Variants in FAT3 observed in about 807,000 individuals in gnomAD.
FAT3 encodes protocadherin Fat 3.
A neutral mutation model predicts 310.2 loss-of-function variants in FAT3; 95 were observed. The observed-to-expected ratio is 0.31, with a 90% CI of 0.26 to 0.36. The LOEUF (loss-of-function observed/expected upper bound fraction) is 0.36, where lower values mean the gene tolerates loss of function less well. FAT3 is among the 10% of genes least tolerant of loss of function. The pLI is 1.00. For synonymous variants in FAT3, 2,314 were observed against 2,192.9 expected (o/e 1.06, Z -1.54); for missense variants, 5,408 against 5,715.6 (o/e 0.95, Z 1.74).
intron 13 of FAT3, among the ~76,000 whole-genome samples, chr11:92,813,130 C>T (rs1276586478): frequency 6.6e-6 from 1 of 152,114 alleles, no homozygotes; most frequent in Non-Finnish European, 1.5e-5. Flanking sequence ...AACTGTGAGT[C>T]AATTAAACCT....
At chr11:92,246,584 C>G (rs1864919721) in intron 1 of FAT3, among the ~76,000 whole-genome samples, 1 of 152,002 alleles carries the variant, frequency 6.6e-6, no homozygotes, top group Admixed American at 6.6e-5. Context: ...AGGTGAGAGA[C>G]TTTCCAACTG....
intron 2 of FAT3, among the ~76,000 whole-genome samples, chr11:92,455,190 C>G (rs1951465729): frequency 6.6e-6 from 1 of 152,152 alleles, no homozygotes; most frequent in Admixed American, 6.5e-5. Context: ...TAACTTTCCT[C>G]AATTCTATGA....
intron 1 of FAT3, among the ~76,000 whole-genome samples, chr11:92,292,605 T>C (rs981861088): frequency 2.0e-5 from 3 of 152,044 alleles, no homozygotes; most frequent in Non-Finnish European, 1.5e-5. Context: ...TGTATAAAAA[T>C]TTGAGGTTAT....
rs1168622030 is a variant in FAT3 at position 92,801,083 on chromosome 11, C to T, written c.8070C>T (p.Ser2690=). Residue 2690 remains serine, a synonymous_variant, in exon 10 of 28, where the codon TCC becomes TCT. Coordinates refer to ENST00000525166, the MANE Select transcript of FAT3 (RefSeq NM_001367949.2). The part of the protein sequence containing the change: ...AVDGGIPVKH[S]LIPVYIHVLP... Reference sequence around the variant, plus strand: ...ATGGGGGCATCCCAGTAAAGCACTCCCTCATTCCTGTCTATATCCACGTCT... The same window carrying T: ...ATGGGGGCATCCCAGTAAAGCACTCTCTCATTCCTGTCTATATCCACGTCT... 1.2e-6 allele frequency: 2 copies of T among 1,613,760 alleles called. No homozygotes were observed. The highest frequency in any genetic ancestry group is 2.7e-5 in the African/African-American group (2 of 74,898).
chr11:92,729,835 A>G (rs900614620), intron 4 of FAT3, among the ~76,000 whole-genome samples: 22 of 152,198 alleles, frequency 1.4e-4, no homozygotes, highest in African/African-American at 5.1e-4. Flanking sequence ...TTTAATTTAA[A>G]AAAAACATTT....
At chr11:92,594,464 C>G (rs1336595304) in intron 3 of FAT3, among the ~76,000 whole-genome samples, 1 of 152,116 alleles carries the variant, frequency 6.6e-6, no homozygotes, top group East Asian at 1.9e-4. Context: ...AAGAGAAGAA[C>G]TTGATGTAGG....
intron 2 of FAT3, among the ~76,000 whole-genome samples, chr11:92,482,303 A>G (rs1341905003): frequency 6.6e-6 from 1 of 152,174 alleles, no homozygotes; most frequent in African/African-American, 2.4e-5. Flanking sequence ...CATGGATATT[A>G]TAGATTTAAT....
chr11:92,388,642 A>C (rs532369101), intron 2 of FAT3, among the ~76,000 whole-genome samples: 1 of 152,324 alleles, frequency 6.6e-6, no homozygotes, highest in South Asian at 2.1e-4. Flanking sequence ...GTATATAAGC[A>C]ACAGGGCCTG....
chr11:92,844,311 T>G lies in FAT3; in HGVS notation c.10944T>G (p.Thr3648=), dbSNP rs367780470. ...TGGTGCATGAGATGCTGCAGAACAC[T>G]GTCACCATCCGCTTTGAAAATGTGT... is the stretch of plus-strand genomic sequence containing the variant. The part of the protein sequence containing the change: ...EQLVHEMLQN[T]VTIRFENVSP... The change falls in exon 19 of 28, where the codon ACT becomes ACG. Residue 3648 remains threonine (T), a synonymous_variant. Transcript: ENST00000525166. 1.9e-6 allele frequency: 3 copies of G among 1,613,848 alleles called. No homozygotes were observed. Among genetic ancestry groups the G allele is most frequent in the Non-Finnish European group, 2.5e-6 (3 of 1,179,888 alleles).
rs1047012579 is a variant in FAT3 at position 92,883,292 on chromosome 11, G to A, written c.12836G>A (p.Gly4279Asp). 3.7e-6 allele frequency: 6 copies of A among 1,612,578 alleles called. No individual in the cohort carries two copies. In the African/African-American group the frequency reaches 6.7e-5, roughly 18 times the overall value. Reference sequence around the variant, plus strand: ...CCCCGCATCCTGACAGCCCGGCGGGGCGTGGTCGTGTGCAGTGTGGCCCCC... The same window carrying A: ...CCCCGCATCCTGACAGCCCGGCGGGACGTGGTCGTGTGCAGTGTGGCCCCC... ...ESPRILTARR[G>D]VVVCSVAPNL... is the part of the protein sequence containing the mutation. The change falls in exon 24 of 28, where the codon GGC becomes GAC. Residue 4279 changes from glycine to aspartate, a missense_variant. Transcript: ENST00000525166. The surrounding 1 kb of genome is among the most constrained non-coding windows in gnomAD (Gnocchi z 4.2).
At chr11:92,546,441 T>G (rs1954621520) in intron 3 of FAT3, among the ~76,000 whole-genome samples, 1 of 152,238 alleles carries the variant, frequency 6.6e-6, no homozygotes, top group Admixed American at 6.5e-5. Flanking sequence ...ATACTCTGTA[T>G]TTTAACATGT....
chr11:92,531,581 G>A (rs571252325), intron 3 of FAT3, among the ~76,000 whole-genome samples: 1 of 152,190 alleles, frequency 6.6e-6, no homozygotes, highest in South Asian at 2.1e-4. Flanking sequence ...TCATTCTGGG[G>A]GAATAATCGT....
rs374952944 is a variant in FAT3, at chr11:92,797,994, G to A, written c.4981G>A (p.Val1661Ile). ...TGCTACTGCAATTGTGCGCATTTCC[G>A]TCACCATGTCTGACAATTCTCACCC... is the stretch of plus-strand genomic sequence containing the variant. ...MSATAIVRISVTMSDNSHPKF... is the reference protein window; with the variant it reads ...MSATAIVRISITMSDNSHPKF... Residue 1661 changes from valine to isoleucine, a missense_variant, in exon 10 of 28, where the codon GTC becomes ATC. Val to Ile is a conservative substitution (Grantham distance 29). Transcript: ENST00000525166. 206 of 1,613,818 alleles carry A rather than the reference G, an allele frequency of 1.3e-4. No individual in the cohort carries two copies. Among genetic ancestry groups the A allele is most frequent in the African/African-American group, 3.2e-4 (24 of 75,018 alleles).
intron 3 of FAT3, among the ~76,000 whole-genome samples, chr11:92,606,983 C>T (rs1046730146): frequency 2.6e-5 from 4 of 152,134 alleles, no homozygotes; most frequent in Admixed American, 1.3e-4. Context: ...GCTTTAGTGC[C>T]TCCCTGCATC....
At chr11:92,811,285 G>A (rs1187683375) in intron 13 of FAT3, among the ~76,000 whole-genome samples, 1 of 152,252 alleles carries the variant, frequency 6.6e-6, no homozygotes, top group Admixed American at 6.5e-5. Flanking sequence ...AAAGAGAACA[G>A]AATTAATGGA....
intron 3 of FAT3, among the ~76,000 whole-genome samples, chr11:92,580,112 A>G (rs113269276): frequency 0.013 from 1,970 of 152,200 alleles, 32 homozygotes; most frequent in African/African-American, 0.034. Context: ...AATTAGCATG[A>G]AAAATATTTG....
intron 2 of FAT3, among the ~76,000 whole-genome samples, chr11:92,451,575 A>G (rs1951352595): frequency 6.6e-6 from 1 of 152,196 alleles, no homozygotes; most frequent in Non-Finnish European, 1.5e-5. Flanking sequence ...ATGAAGGGAT[A>G]TGGACGTTAG....
chr11:92,240,812 A>G (rs112811616), intron 1 of FAT3, among the ~76,000 whole-genome samples: 1 of 152,070 alleles, frequency 6.6e-6, no homozygotes, highest in Non-Finnish European at 1.5e-5. Context: ...ATTTTTGGAA[A>G]TGTCCTGGGA....
intron 23 of FAT3, 27 bp from the exon 24 acceptor site, chr11:92,882,711 T>C (rs1435400252): frequency 6.4e-7 from 1 of 1,569,508 alleles, no homozygotes; most frequent in African/African-American, 1.4e-5. Flanking sequence ...GTCCTGACGG[T>C]GGGGAGGGGC....
Sources: allele counts gnomAD v4.1 joint callset (sites outside exome capture counted in the v4.1 genomes callset), GRCh38; gene constraint gnomAD v4.1.1; non-coding constraint Gnocchi (gnomAD v3.1); transcripts MANE v1.5; gene names NCBI Gene and HGNC (gene_info 2026-07-23, HGNC 2026-07-21).